GPC6: variants seen among roughly 807,000 people sequenced by gnomAD.
The protein encoded by GPC6 is glypican-6.
In GPC6, 14 loss-of-function variants were observed where a neutral mutation model predicts 55.2. The observed-to-expected ratio is 0.25, with a 90% CI of 0.17 to 0.40. The LOEUF (loss-of-function observed/expected upper bound fraction) is 0.40. GPC6 is among the 10% of genes least tolerant of loss of function. The pLI is 1.00. For synonymous variants in GPC6, 278 were observed against 259.6 expected (o/e 1.07, Z -0.68); for missense variants, 641 against 708.5 (o/e 0.90, Z 1.08).
intron 4 of GPC6, among the ~76,000 whole-genome samples, chr13:94,191,870 C>A (rs751946817): frequency 6.6e-6 from 1 of 152,060 alleles, no homozygotes; most frequent in African/African-American, 2.4e-5. Flanking sequence ...CAGATAATAG[C>A]AAAATGATGC....
chr13:93,708,491 T>C (rs1191723562), intron 2 of GPC6, among the ~76,000 whole-genome samples: 1 of 151,826 alleles, frequency 6.6e-6, no homozygotes, highest in Non-Finnish European at 1.5e-5. Context: ...AGCAATGACT[T>C]TGGACTTTTT....
intron 6 of GPC6, among the ~76,000 whole-genome samples, chr13:94,376,689 G>GA (rs1245851261): frequency 2.6e-5 from 4 of 151,986 alleles, no homozygotes; most frequent in Non-Finnish European, 4.4e-5. Context: ...CACAGAATTG[G>GA]AAAAAACTAC....
At chr13:93,231,397 GTATATATATATA>G (rs71123471) in intron 1 of GPC6, among the ~76,000 whole-genome samples, 3 of 45,870 alleles carry the variant, frequency 6.5e-5, no homozygotes, top group East Asian at 1.5e-3. Context: ...ATATATATAT[GTATATATATATA>G]TATATATATA....
chr13:93,364,049 G>A (rs1454700558), intron 1 of GPC6, among the ~76,000 whole-genome samples: 2 of 152,132 alleles, frequency 1.3e-5, no homozygotes, highest in Admixed American at 1.3e-4. Flanking sequence ...TTTGTCAGAT[G>A]AGTAGGTTGC....
chr13:93,463,456 A>ACCG (rs954717028), intron 1 of GPC6, among the ~76,000 whole-genome samples: 7 of 152,240 alleles, frequency 4.6e-5, no homozygotes, highest in Middle Eastern at 3.4e-3. Context: ...GATGTGAAGC[A>ACCG]CCGTTCTTAG....
At chr13:94,237,575 T>C (rs571333880) in intron 4 of GPC6, among the ~76,000 whole-genome samples, 144 of 152,106 alleles carry the variant, frequency 9.5e-4, no homozygotes, top group Non-Finnish European at 1.6e-3. Flanking sequence ...AAGGAGCCAC[T>C]CATTGAACAA....
intron 4 of GPC6, among the ~76,000 whole-genome samples, chr13:94,124,189 G>A (rs901135080): frequency 2.0e-5 from 3 of 152,088 alleles, no homozygotes; most frequent in Non-Finnish European, 4.4e-5. Flanking sequence ...TATTCTTTAA[G>A]CACTTCATTT....
At chr13:93,865,220 A>G (rs929631155) in intron 3 of GPC6, among the ~76,000 whole-genome samples, 3 of 151,626 alleles carry the variant, frequency 2.0e-5, no homozygotes, top group East Asian at 2.0e-4. Flanking sequence ...TAAAATTGCT[A>G]TTATAATCAT....
In GPC6 at chr13:93,722,575, C is replaced by T. The variant is rs181054106; in HGVS notation, c.320-107579C>T. Among the ~76,000 whole-genome samples, 104 of 151,818 alleles carry T rather than the reference C, an allele frequency of 6.9e-4. 1 individual carries two copies. The highest frequency in any genetic ancestry group is 2.3e-3 in the African/African-American group (96 of 41,466). On this transcript the variant is annotated intron_variant, in intron 2 of 8. Transcript: ENST00000377047. ...ATGGCTGGCATAAAGATTTTTATTTCAAATATCAAAGAAGCATCAGGAAAA... is the reference window on the plus strand; with the variant it reads ...ATGGCTGGCATAAAGATTTTTATTTTAAATATCAAAGAAGCATCAGGAAAA...
chr13:93,963,154 C>T (rs1169359676), intron 3 of GPC6, among the ~76,000 whole-genome samples: 1 of 152,016 alleles, frequency 6.6e-6, no homozygotes, highest in Non-Finnish European at 1.5e-5. Context: ...TCCCAATCCT[C>T]TAGATTTTCC....
At chr13:93,571,603 T>C (rs911412816) in intron 2 of GPC6, among the ~76,000 whole-genome samples, 1 of 152,200 alleles carries the variant, frequency 6.6e-6, no homozygotes, top group African/African-American at 2.4e-5. Context: ...GATTTAACTA[T>C]TTTGATTTAA....
chr13:93,475,325 TG>T (rs1879263704), intron 1 of GPC6, among the ~76,000 whole-genome samples: 1 of 152,252 alleles, frequency 6.6e-6, no homozygotes, highest in Admixed American at 6.5e-5. Context: ...AAATTATTAA[TG>T]TTAATTACTT....
intron 4 of GPC6, among the ~76,000 whole-genome samples, chr13:94,082,164 T>C (rs1885124014): frequency 6.6e-6 from 1 of 152,022 alleles, no homozygotes; most frequent in Non-Finnish European, 1.5e-5. Context: ...TAAAATTCTC[T>C]TACAAAAAAA....
intron 6 of GPC6, among the ~76,000 whole-genome samples, chr13:94,357,211 C>G (rs1485708538): frequency 6.6e-6 from 1 of 152,194 alleles, no homozygotes; most frequent in African/African-American, 2.4e-5. Flanking sequence ...TCCTGCCTCT[C>G]CAACATATGC....
At chr13:93,803,317 A>G (rs557748556) in intron 2 of GPC6, among the ~76,000 whole-genome samples, 2 of 152,304 alleles carry the variant, frequency 1.3e-5, no homozygotes, top group Non-Finnish European at 2.9e-5. Flanking sequence ...GAAAGAAGAT[A>G]TAGAAATAGG....
chr13:93,417,647 C>T (rs1876750275), intron 1 of GPC6, among the ~76,000 whole-genome samples: 1 of 151,924 alleles, frequency 6.6e-6, no homozygotes, highest in Non-Finnish European at 1.5e-5. Flanking sequence ...AAAATTTAAA[C>T]AAAATCAAAG....
chr13:93,252,151 G>A (rs963194665), intron 1 of GPC6, among the ~76,000 whole-genome samples: 7 of 152,190 alleles, frequency 4.6e-5, no homozygotes, highest in African/African-American at 7.2e-5. Context: ...CTGAGATGGA[G>A]CCCAAATTGT....
chr13:93,308,459 A>G lies in GPC6; in HGVS notation c.160+80843A>G, dbSNP rs145339991. On this transcript the variant is annotated intron_variant, in intron 1 of 8. Transcript: ENST00000377047. ...ATAGTCATGTGTTATTTATTTATTT[A>G]GAGATTGAGTCTGGCTCTGTTGTCT... 3.9e-5 allele frequency among the ~76,000 whole-genome samples: 6 copies of G among 152,276 alleles called. No homozygotes were observed. The East Asian group carries it at 7.7e-4, about 20-fold the overall frequency.
intron 4 of GPC6, among the ~76,000 whole-genome samples, chr13:94,183,407 A>G (rs1439898183): frequency 2.0e-5 from 3 of 152,222 alleles, no homozygotes; most frequent in Admixed American, 6.5e-5. Context: ...TTAGAGCTGT[A>G]TAATTTTTCA....
Sources: allele counts gnomAD v4.1 joint callset (sites outside exome capture counted in the v4.1 genomes callset), GRCh38; gene constraint gnomAD v4.1.1; transcripts MANE v1.5; gene names NCBI Gene and HGNC (gene_info 2026-07-23, HGNC 2026-07-21).